Variants in FOXP2 observed in about 807,000 individuals in gnomAD.
FOXP2 encodes the protein forkhead box P2, also known as forkhead box protein P2.
Under a neutral mutation model 115.8 loss-of-function variants are expected in FOXP2, and 12 were observed. That is an observed-to-expected ratio of 0.10 (90% CI 0.07 to 0.17). FOXP2 has a LOEUF of 0.17. Ranked by LOEUF, FOXP2 falls within the 10% of genes least tolerant of loss-of-function variation. The pLI, the probability that FOXP2 is intolerant of heterozygous loss-of-function variation, is 1.00. For synonymous variants in FOXP2, 328 were observed against 297.7 expected (o/e 1.10, Z -1.05); for missense variants, 629 against 843.5 (o/e 0.75, Z 3.15).
chr7:114,364,610 G>T (rs1045550629), intron 2 of FOXP2, among the ~76,000 whole-genome samples: 4 of 151,898 alleles, frequency 2.6e-5, no homozygotes, highest in Non-Finnish European at 5.9e-5. Flanking sequence ...AAATTTATTG[G>T]TTTAAAATTT....
Position 114,334,381 on chromosome 7 carries a change from T to TA in FOXP2, c.-11+46286dup, listed in dbSNP as rs5886700. On this transcript the variant is annotated intron_variant, in intron 2 of 17. Coordinates refer to the FOXP2 transcript ENST00000634411. Reference sequence around the variant, plus strand: ...AGCTCCCAAATTCAAACTTCTGAGCTAAAAAAAAAAAAAATCTGTTAATTT... The same window carrying TA: ...AGCTCCCAAATTCAAACTTCTGAGCTAAAAAAAAAAAAAAATCTGTTAATTT... Among the ~76,000 whole-genome samples the TA allele has an allele frequency of 5.5e-3, 805 of 146,342 alleles. 9 individuals carry two copies. Among genetic ancestry groups the TA allele is most frequent in the African/African-American group, 0.018 (721 of 39,224 alleles).
intron 2 of FOXP2, among the ~76,000 whole-genome samples, chr7:114,514,333 A>G (rs775932639): frequency 6.6e-5 from 10 of 152,084 alleles, no homozygotes; most frequent in Non-Finnish European, 1.2e-4. Context: ...AACTATCATC[A>G]CTATGATGTA....
At chr7:114,154,752 G>C (rs1364358636) in intron 1 of FOXP2, among the ~76,000 whole-genome samples, 1 of 152,098 alleles carries the variant, frequency 6.6e-6, no homozygotes, top group Non-Finnish European at 1.5e-5. Context: ...TATATAAACT[G>C]AATAGTGAGT....
At chr7:114,466,775 G>A (rs1795815222) in intron 2 of FOXP2, among the ~76,000 whole-genome samples, 1 of 152,178 alleles carries the variant, frequency 6.6e-6, no homozygotes, top group Non-Finnish European at 1.5e-5. Context: ...GTAACAAAAG[G>A]AAGAGACATG....
chr7:114,214,826 C>G (rs1794448193), intron 1 of FOXP2, among the ~76,000 whole-genome samples: 1 of 152,176 alleles, frequency 6.6e-6, no homozygotes, highest in African/African-American at 2.4e-5. Flanking sequence ...CAAAACAACT[C>G]TCACATCAGT....
intron 2 of FOXP2, among the ~76,000 whole-genome samples, chr7:114,532,587 C>T (rs1016049701): frequency 6.6e-6 from 1 of 151,728 alleles, no homozygotes; most frequent in Non-Finnish European, 1.5e-5. Context: ...TTCTTATGTG[C>T]TAGAATAAGG....
At chr7:114,547,801 G>A (rs757786004) in intron 3 of FOXP2, among the ~76,000 whole-genome samples, 2 of 151,926 alleles carry the variant, frequency 1.3e-5, no homozygotes, top group Non-Finnish European at 2.9e-5. Context: ...GATGATGTGA[G>A]GGTTTCTCAA....
chr7:114,588,526 C>T (rs1451571727), intron 3 of FOXP2, among the ~76,000 whole-genome samples: 1 of 152,096 alleles, frequency 6.6e-6, no homozygotes, highest in African/African-American at 2.4e-5. Flanking sequence ...AAGAAACTGA[C>T]AATACATATC....
chr7:114,093,841 T>C (rs1799589971), intron 1 of FOXP2, among the ~76,000 whole-genome samples: 2 of 152,254 alleles, frequency 1.3e-5, no homozygotes, highest in South Asian at 2.1e-4. Flanking sequence ...TGAGTGAATA[T>C]TTGTGGTTTT....
chr7:114,568,618 T>C (rs377295912), intron 3 of FOXP2, among the ~76,000 whole-genome samples: 1 of 151,858 alleles, frequency 6.6e-6, no homozygotes, highest in East Asian at 1.9e-4. Flanking sequence ...CGGTGAAGCC[T>C]CAGGCAGCTT....
intron 2 of FOXP2, among the ~76,000 whole-genome samples, chr7:114,337,448 A>C (rs1797880894): frequency 6.6e-6 from 1 of 151,218 alleles, no homozygotes; most frequent in Non-Finnish European, 1.5e-5. Flanking sequence ...TAAGACTTAA[A>C]ATTTTGGATT....
intron 3 of FOXP2, among the ~76,000 whole-genome samples, chr7:114,600,674 G>T (rs1423924803): frequency 6.6e-6 from 1 of 152,192 alleles, no homozygotes; most frequent in African/African-American, 2.4e-5. Flanking sequence ...TTTGATGTTA[G>T]TGTTCTGGAT....
chr7:114,309,098 G>T (rs1337082310), intron 2 of FOXP2, among the ~76,000 whole-genome samples: 1 of 152,148 alleles, frequency 6.6e-6, no homozygotes, highest in East Asian at 1.9e-4. Context: ...GCTTTTATTT[G>T]CAGCAGAGAG....
At chr7:114,289,460 T>C (rs1485214388) in intron 2 of FOXP2, among the ~76,000 whole-genome samples, 1 of 151,870 alleles carries the variant, frequency 6.6e-6, no homozygotes, top group Admixed American at 6.6e-5. Context: ...TTTGTATGTT[T>C]GCCATAGATA....
At chr7:114,689,572 A>C (rs751742533) in intron 16 of FOXP2, among the ~76,000 whole-genome samples, 1 of 152,314 alleles carries the variant, frequency 6.6e-6, no homozygotes, top group South Asian at 2.1e-4. Context: ...GTGGGAGTCC[A>C]TGCTCACATT....
At position 114,335,523 on chromosome 7, in the gene FOXP2, T is replaced by C. The variant is rs1179872305; in HGVS notation, c.-11+47414T>C. ...ATTTTATGTTATATTTCAGTTTTAATTGGGAAGAAATAACGCTGTATCATA... is the reference window on the plus strand; with the variant it reads ...ATTTTATGTTATATTTCAGTTTTAACTGGGAAGAAATAACGCTGTATCATA... On this transcript the variant is annotated intron_variant, in intron 2 of 17. Transcript: ENST00000634411. Among the ~76,000 whole-genome samples the C allele has an allele frequency of 2.0e-5, 3 of 151,990 alleles. No individual in the cohort carries two copies. In the East Asian group the frequency reaches 5.8e-4, roughly 29 times the overall value.
chr7:114,167,927 C>T (rs1484024751), intron 1 of FOXP2, among the ~76,000 whole-genome samples: 3 of 138,366 alleles, frequency 2.2e-5, no homozygotes, highest in African/African-American at 8.0e-5. Flanking sequence ...CAGACCAAGA[C>T]TCCATCTCAA....
intron 1 of FOXP2, among the ~76,000 whole-genome samples, chr7:114,207,720 G>C (rs778975312): frequency 6.6e-6 from 1 of 152,000 alleles, no homozygotes; most frequent in Non-Finnish European, 1.5e-5. Context: ...GTATGTTAAG[G>C]TTTATAGCAA....
intron 3 of FOXP2, among the ~76,000 whole-genome samples, chr7:114,601,500 C>T (rs1049654355): frequency 3.3e-5 from 5 of 151,922 alleles, no homozygotes; most frequent in African/African-American, 7.2e-5. Context: ...CTATTCTTAA[C>T]GTTATTATTT....
Sources: allele counts gnomAD v4.1 joint callset (sites outside exome capture counted in the v4.1 genomes callset), GRCh38; gene constraint gnomAD v4.1.1; transcripts MANE v1.5; gene names NCBI Gene and HGNC (gene_info 2026-07-23, HGNC 2026-07-21).